KCNAB1: variants seen among roughly 807,000 people sequenced by gnomAD.
KCNAB1 encodes the protein voltage-gated potassium channel subunit beta-1.
Under a neutral mutation model 64.6 loss-of-function variants are expected in KCNAB1, and 35 were observed. The ratio of observed to expected loss-of-function variants is 0.54; its 90% CI spans 0.41 to 0.72. The LOEUF is 0.72. Ranked by LOEUF, KCNAB1 falls within the 30% of genes least tolerant of loss-of-function variation. KCNAB1 has a pLI of 0.00. For synonymous variants in KCNAB1, 177 were observed against 183.8 expected (o/e 0.96, Z 0.30); for missense variants, 401 against 512.9 (o/e 0.78, Z 2.11).
rs1386614654 is a variant in KCNAB1 at position 156,457,500 on chromosome 3, C to A, written c.405C>A (p.Leu135=). Residue 135 remains leucine, a synonymous_variant, in exon 4 of 14, where the codon CTC becomes CTA. Coordinates refer to ENST00000490337, the MANE Select transcript of KCNAB1 (RefSeq NM_172160.3). Reference sequence around the variant, plus strand: ...TCGCCTATGAAAGTGGTGTTAACCTCTTTGATACTGCCGAAGTCTATGCTG... The same window carrying A: ...TCGCCTATGAAAGTGGTGTTAACCTATTTGATACTGCCGAAGTCTATGCTG... ...MTIAYESGVN[L]FDTAEVYAAG... 6.2e-7 allele frequency: 1 copy of A among 1,613,916 alleles called. No individual in the cohort carries two copies.
chr3:156,481,839 T>C (rs1714829927), intron 8 of KCNAB1, among the ~76,000 whole-genome samples: 1 of 152,078 alleles, frequency 6.6e-6, no homozygotes, highest in Non-Finnish European at 1.5e-5. Context: ...AGAGGAAACA[T>C]AAAGCACCAT....
At chr3:156,422,908 G>T (rs114690408) in intron 2 of KCNAB1, among the ~76,000 whole-genome samples, 1 of 152,168 alleles carries the variant, frequency 6.6e-6, no homozygotes, top group Non-Finnish European at 1.5e-5. Context: ...AAAAAAAAAT[G>T]GAGTCCTGGA....
intron 1 of KCNAB1, among the ~76,000 whole-genome samples, chr3:156,243,941 T>C (rs898150541): frequency 6.6e-6 from 1 of 152,154 alleles, no homozygotes; most frequent in African/African-American, 2.4e-5. Flanking sequence ...TGACTGCAAT[T>C]TCTACAGAGG....
intron 1 of KCNAB1, among the ~76,000 whole-genome samples, chr3:156,287,444 T>A (rs1201797897): frequency 2.0e-5 from 3 of 151,752 alleles, no homozygotes; most frequent in Non-Finnish European, 4.4e-5. Context: ...TGACTCTTGA[T>A]AAAAGAAGTG....
chr3:156,460,173 G>C, intron 5 of KCNAB1: 1 of 300,654 alleles, frequency 3.3e-6, no homozygotes, highest in Non-Finnish European at 6.1e-6. Flanking sequence ...TGCCATTTGT[G>C]CTAATCTCTT....
At chr3:156,525,219 A>G (rs1718231804) in intron 12 of KCNAB1, among the ~76,000 whole-genome samples, 2 of 152,130 alleles carry the variant, frequency 1.3e-5, no homozygotes, top group African/African-American at 4.8e-5. Context: ...CCAAAGAGGA[A>G]TTATTATCAC....
At chr3:156,143,513 C>A in intron 1 of KCNAB1, 1 of 851,852 alleles carries the variant, frequency 1.2e-6, no homozygotes, top group Non-Finnish European at 1.7e-6. Flanking sequence ...CAAGACAAAA[C>A]CCTGTAAGAA....
chr3:156,511,081 A>C (rs561590047), intron 8 of KCNAB1, among the ~76,000 whole-genome samples: 4 of 152,130 alleles, frequency 2.6e-5, no homozygotes, highest in African/African-American at 9.6e-5. Flanking sequence ...TTAAATATCC[A>C]CTTGACATCT....
intron 8 of KCNAB1, among the ~76,000 whole-genome samples, chr3:156,478,989 G>A (rs1714588632): frequency 6.6e-6 from 1 of 152,126 alleles, no homozygotes; most frequent in Non-Finnish European, 1.5e-5. Flanking sequence ...ACATTTTCAG[G>A]CTATGGGAAG....
chr3:156,403,516 T>C (rs1014042646), intron 1 of KCNAB1, among the ~76,000 whole-genome samples: 1 of 152,238 alleles, frequency 6.6e-6, no homozygotes, highest in Non-Finnish European at 1.5e-5. Flanking sequence ...TTCCTTCTGA[T>C]ATAAGGCTCA....
At chr3:156,272,381 G>A (rs1413583081) in intron 1 of KCNAB1, among the ~76,000 whole-genome samples, 1 of 152,184 alleles carries the variant, frequency 6.6e-6, no homozygotes, top group Admixed American at 6.5e-5. Context: ...AATCTAGGTG[G>A]CACTCTATTC....
At position 156,523,894 on chromosome 3, in the gene KCNAB1, ACCTTTCCCCAATTG is replaced by A; in HGVS notation, c.1030_1043del (p.Leu344GlyfsTer19). ...AGAAAACAGCAAAACAAGCTAAAAGACCTTTCCCCAATTGCGGAGCGTCTGGGATGCACACTACC... is the reference window on the plus strand; with the variant it reads ...AGAAAACAGCAAAACAAGCTAAAAGACGGAGCGTCTGGGATGCACACTACC... On this transcript the variant is annotated frameshift_variant, in exon 12 of 14. Coordinates refer to ENST00000490337, the MANE Select transcript of KCNAB1 (RefSeq NM_172160.3). LOFTEE classifies it high-confidence loss of function. 1 of 1,614,008 alleles carries A rather than the reference ACCTTTCCCCAATTG, an allele frequency of 6.2e-7. No individual in the cohort carries two copies. Among genetic ancestry groups the A allele is most frequent in the Non-Finnish European group, 8.5e-7 (1 of 1,179,908 alleles).
chr3:156,339,376 A>C (rs1723945140), intron 1 of KCNAB1, among the ~76,000 whole-genome samples: 1 of 152,028 alleles, frequency 6.6e-6, no homozygotes, highest in African/African-American at 2.4e-5. Context: ...ACACACACAC[A>C]CCCAAATTTA....
At chr3:156,406,489 C>T (rs1038665089) in intron 1 of KCNAB1, among the ~76,000 whole-genome samples, 5 of 152,078 alleles carry the variant, frequency 3.3e-5, no homozygotes, top group Admixed American at 6.6e-5. Flanking sequence ...CCTGGGGAAG[C>T]CCCCTTGGAA....
At chr3:156,280,773 G>A (rs1387098633) in intron 1 of KCNAB1, among the ~76,000 whole-genome samples, 5 of 151,620 alleles carry the variant, frequency 3.3e-5, no homozygotes, top group African/African-American at 1.2e-4. Context: ...TCTGTCTGTT[G>A]TTGGTGTGTA....
At chr3:156,422,950 G>A (rs79370411) in intron 2 of KCNAB1, among the ~76,000 whole-genome samples, 6,515 of 152,220 alleles carry the variant, frequency 0.043, 468 homozygotes, top group African/African-American at 0.15. Flanking sequence ...AGGATGGAGT[G>A]ACCAATCCCG....
At position 156,388,420 on chromosome 3, in the gene KCNAB1, T is replaced by G. The variant is rs545380238; in HGVS notation, c.276-33196T>G. 6.6e-5 allele frequency among the ~76,000 whole-genome samples: 10 copies of G among 152,290 alleles called. No individual in the cohort carries two copies. In the South Asian group the frequency reaches 1.9e-3, roughly 28 times the overall value. ...GAGTCTCGCAGAGCAAAAAGCAGTA[T>G]AGCAAGGACAGTGTTTCTTCTCCCA... On this transcript the variant is annotated intron_variant, in intron 1 of 13. Coordinates refer to ENST00000490337, the MANE Select transcript of KCNAB1 (RefSeq NM_172160.3).
At chr3:156,459,066 C>G (rs1057198700) in intron 4 of KCNAB1, among the ~76,000 whole-genome samples, 2 of 152,206 alleles carry the variant, frequency 1.3e-5, no homozygotes, top group Non-Finnish European at 2.9e-5. Flanking sequence ...CCATAGCATC[C>G]TAATGGACAA....
chr3:156,266,428 A>G (rs2108486261), intron 1 of KCNAB1, among the ~76,000 whole-genome samples: 2 of 152,340 alleles, frequency 1.3e-5, no homozygotes, highest in East Asian at 3.9e-4. Context: ...GTTGGTTTAA[A>G]TCCCTTTTTT....
Sources: allele counts gnomAD v4.1 joint callset (sites outside exome capture counted in the v4.1 genomes callset), GRCh38; gene constraint gnomAD v4.1.1; transcripts MANE v1.5; gene names NCBI Gene and HGNC (gene_info 2026-07-23, HGNC 2026-07-21).